The following PCNX2 variants were observed in gnomAD, a reference collection of about 807,000 sequenced individuals.
PCNX2 encodes pecanex 2, also known as pecanex-like protein 2.
A neutral mutation model predicts 223.8 loss-of-function variants in PCNX2; 168 were observed. The observed-to-expected ratio is 0.75, with a 90% CI of 0.66 to 0.85. The LOEUF (loss-of-function observed/expected upper bound fraction) is 0.85. PCNX2 is among the 40% of genes least tolerant of loss of function. The pLI is 0.00. For synonymous variants in PCNX2, 1,006 were observed against 1,052.6 expected (o/e 0.96, Z 0.86); for missense variants, 2,507 against 2,675.5 (o/e 0.94, Z 1.39).
intron 21 of PCNX2, among the ~76,000 whole-genome samples, chr1:233,117,727 T>C (rs1169650276): frequency 6.6e-6 from 1 of 150,896 alleles, no homozygotes; most frequent in African/African-American, 2.4e-5. Flanking sequence ...AGAAGAATTA[T>C]AGGCCAGGCG....
intron 19 of PCNX2, among the ~76,000 whole-genome samples, chr1:233,141,583 T>C (rs1677112338): frequency 6.6e-6 from 1 of 152,132 alleles, no homozygotes; most frequent in South Asian, 2.1e-4. Flanking sequence ...GGAGATTCAC[T>C]TGAACCCGGA....
chr1:232,985,251 T>C (rs1325640107), intron 33 of PCNX2: 1 of 152,122 alleles, frequency 6.6e-6, no homozygotes. Flanking sequence ...GAGAGCTGTT[T>C]CCCATGAAGG....
chr1:233,293,733 A>G (rs1387736966), intron 1 of PCNX2, among the ~76,000 whole-genome samples: 1 of 152,190 alleles, frequency 6.6e-6, no homozygotes, highest in African/African-American at 2.4e-5. Context: ...TCATCTATTA[A>G]TTCACTCAGT....
At chr1:233,059,973 G>GA (rs1179810083) in intron 23 of PCNX2, among the ~76,000 whole-genome samples, 12 of 151,180 alleles carry the variant, frequency 7.9e-5, no homozygotes, top group Non-Finnish European at 1.3e-4. Context: ...CTTGTCTTCA[G>GA]AAAAAAAAAG....
At chr1:232,999,459 T>C (rs954562635) in intron 30 of PCNX2, 80 bp from the exon 31 acceptor site, 106 of 1,419,370 alleles carry the variant, frequency 7.5e-5, no homozygotes, top group Middle Eastern at 2.6e-4. Context: ...TTTCTTTTTT[T>C]TTTTTTTTTT....
At chr1:233,294,328 T>A (rs1016035481) in intron 1 of PCNX2, among the ~76,000 whole-genome samples, 8 of 152,122 alleles carry the variant, frequency 5.3e-5, no homozygotes, top group African/African-American at 1.9e-4. Context: ...GTAAATAACC[T>A]CCCCAAGGTC....
At chr1:233,182,953 A>G (rs77931982) in intron 15 of PCNX2, among the ~76,000 whole-genome samples, 1,957 of 152,082 alleles carry the variant, frequency 0.013, 25 homozygotes, top group South Asian at 0.037. Context: ...CTCAGCAGAG[A>G]GCACCTGCCC....
At chr1:233,268,835 G>A (rs1451388119) in intron 1 of PCNX2, among the ~76,000 whole-genome samples, 1 of 152,142 alleles carries the variant, frequency 6.6e-6, no homozygotes, top group Admixed American at 6.5e-5. Flanking sequence ...CTTCTGATGA[G>A]TGATTTGGGG....
chr1:233,069,653 CA>C (rs144585577), intron 23 of PCNX2, among the ~76,000 whole-genome samples: 4 of 147,950 alleles, frequency 2.7e-5, no homozygotes, highest in Admixed American at 6.7e-5. Context: ...GAAACACACA[CA>C]AAAAAAAGAA....
chr1:233,172,779 A>G (rs1268710664), intron 17 of PCNX2, among the ~76,000 whole-genome samples: 1 of 152,204 alleles, frequency 6.6e-6, no homozygotes, highest in African/African-American at 2.4e-5. Context: ...TGTTACATTC[A>G]GGAAGAGTTT....
At chr1:233,317,647 G>C in the PCNX2 span, among the ~76,000 whole-genome samples, 1 of 151,920 alleles carries the variant, frequency 6.6e-6, no homozygotes, top group African/African-American at 2.4e-5. Context: ...CTTTGGTGTA[G>C]GAAAATATAC....
intron 24 of PCNX2, 44 bp downstream of exon 24, chr1:233,057,188 A>G: frequency 2.1e-6 from 3 of 1,449,350 alleles, no homozygotes; most frequent in Non-Finnish European, 2.9e-6. Context: ...GAATCCATCC[A>G]TACAACAATA....
At chr1:233,063,909 C>G (rs10910655) in intron 23 of PCNX2, among the ~76,000 whole-genome samples, 29,726 of 151,978 alleles carry the variant, frequency 0.2, 4,451 homozygotes, top group African/African-American at 0.42. Context: ...TACTATTTAA[C>G]TTGTCTATTA....
intron 1 of PCNX2, among the ~76,000 whole-genome samples, chr1:233,284,781 T>C (rs1205218993): frequency 6.6e-6 from 1 of 152,146 alleles, no homozygotes; most frequent in African/African-American, 2.4e-5. Context: ...GGTGTGCTCA[T>C]GCAACATTCC....
At chr1:233,112,912 T>C (rs1476747354) in intron 21 of PCNX2, 2 of 1,286,964 alleles carry the variant, frequency 1.6e-6, no homozygotes, top group South Asian at 2.5e-5. Flanking sequence ...TGAACTGCAG[T>C]AACTTGCATG....
intron 21 of PCNX2, among the ~76,000 whole-genome samples, chr1:233,119,095 C>T (rs1157316417): frequency 2.0e-5 from 3 of 151,472 alleles, no homozygotes; most frequent in African/African-American, 4.9e-5. Flanking sequence ...AAAAGCAATT[C>T]GAGGAAGGAA....
chr1:233,006,385 C>A (rs1670286061), intron 28 of PCNX2, among the ~76,000 whole-genome samples: 1 of 152,130 alleles, frequency 6.6e-6, no homozygotes, highest in Non-Finnish European at 1.5e-5. Flanking sequence ...GAGGCTGGGG[C>A]CTCAGTGCAA....
chr1:233,186,366 C>T (rs1025671637), intron 15 of PCNX2, among the ~76,000 whole-genome samples: 4 of 152,122 alleles, frequency 2.6e-5, no homozygotes, highest in African/African-American at 9.7e-5. Flanking sequence ...GAGCGCTGGG[C>T]CCATAAAGTT....
intron 25 of PCNX2, among the ~76,000 whole-genome samples, chr1:233,048,753 C>T (rs558151706): frequency 5.3e-5 from 8 of 152,102 alleles, no homozygotes; most frequent in African/African-American, 1.9e-4. Context: ...ATTGATAGAC[C>T]ACTAACTAGA....
Sources: allele counts gnomAD v4.1 joint callset (sites outside exome capture counted in the v4.1 genomes callset), GRCh38; gene constraint gnomAD v4.1.1; transcripts MANE v1.5; gene names NCBI Gene and HGNC (gene_info 2026-07-23, HGNC 2026-07-21).